Variants in RXYLT1 observed in about 807,000 individuals in gnomAD.
RXYLT1 encodes the protein ribitol xylosyltransferase 1.
A neutral mutation model predicts 43.5 loss-of-function variants in RXYLT1; 41 were observed. The observed-to-expected ratio is 0.94, with a 90% CI of 0.73 to 1.22. RXYLT1 has a LOEUF of 1.22. Ranked by LOEUF, RXYLT1 falls within the 50% of genes most tolerant of loss-of-function variation. The probability of loss-of-function intolerance (pLI) is 0.00; values close to 1 mark genes in which losing one functional copy is unlikely to be tolerated. For synonymous variants in RXYLT1, 166 were observed against 194.4 expected (o/e 0.85, Z 1.21); for missense variants, 514 against 532.0 (o/e 0.97, Z 0.33).
In RXYLT1 at chr12:63,809,097, C is replaced by T. The variant is rs932706141; in HGVS notation, c.*5C>T. 1 of 1,483,772 alleles carries T rather than the reference C, an allele frequency of 6.7e-7. No individual in the cohort carries two copies. Among genetic ancestry groups the T allele is most frequent in the Non-Finnish European group, 9.1e-7 (1 of 1,100,364 alleles). 91.9% of individuals were successfully genotyped at this position (1,483,772 alleles called of 1,614,324 possible). On this transcript the variant is annotated 3_prime_UTR_variant, in exon 6 of 6. Transcript: ENST00000261234. ...TTAATGAATAATAAAAGTTAATTAT[C>T]TTTTTGAGCTAACATGTGATTTTTA...
chr12:63,799,302 C>CTTTTTTTTTTTTTTTTTTTTTTTT (rs11312130), intron 3 of RXYLT1, among the ~76,000 whole-genome samples: 4 of 71,630 alleles, frequency 5.6e-5, no homozygotes, highest in Non-Finnish European at 7.7e-5. Context: ...CTTTTCTTTT[C>CTTTTTTTTTTTTTTTTTTTTTTTT]TTTTTTTTTT....
intron 3 of RXYLT1, 21 bp downstream of exon 3, chr12:63,785,093 G>A: frequency 6.4e-7 from 1 of 1,564,806 alleles, no homozygotes; most frequent in Non-Finnish European, 8.7e-7. Flanking sequence ...TATTAGTTGT[G>A]CAACATTAAC....
At chr12:63,786,455 T>C (rs1897802211) in intron 3 of RXYLT1, among the ~76,000 whole-genome samples, 1 of 152,024 alleles carries the variant, frequency 6.6e-6, no homozygotes, top group African/African-American at 2.4e-5. Flanking sequence ...CCAGTACATA[T>C]GAAAGTTATG....
In RXYLT1 at chr12:63,808,970, T is replaced by G. The variant is rs1898384086; in HGVS notation, c.1210T>G (p.Leu404Val). 3.1e-6 allele frequency: 5 copies of G among 1,612,894 alleles called. No homozygotes were observed. In the South Asian group the frequency reaches 3.3e-5, roughly 11 times the overall value. The change falls in exon 6 of 6, where the codon TTA becomes GTA. Residue 404 changes from leucine to valine, a missense_variant. Leu to Val is a conservative substitution (Grantham distance 32). Coordinates refer to ENST00000261234, the MANE Select transcript of RXYLT1 (RefSeq NM_014254.3). ...AVLEKEKTIILQEKIERRKML... is the reference protein window; with the variant it reads ...AVLEKEKTIIVQEKIERRKML... ...TTTAGAAAAAGAGAAAACTATAATT[T>G]TACAAGAAAAAATTGAAAGAAGAAA...
In RXYLT1 at chr12:63,805,334, A is replaced by G. The variant is rs1024537929; in HGVS notation, c.844A>G (p.Arg282Gly). Residue 282 changes from arginine to glycine, a missense_variant, in exon 5 of 6, where the codon AGA becomes GGA. Transcript: ENST00000261234. ...AGGAACGATTTATGAAAATTCATCCAGACAGGCACTAATGAACATTTTGAA... is the reference window on the plus strand; with the variant it reads ...AGGAACGATTTATGAAAATTCATCCGGACAGGCACTAATGAACATTTTGAA... ...FLGTIYENSSRQALMNILKKD... is the reference protein window; with the variant it reads ...FLGTIYENSSGQALMNILKKD... 1 of 1,613,370 alleles carries G rather than the reference A, an allele frequency of 6.2e-7. No individual in the cohort carries two copies. Among genetic ancestry groups the G allele is most frequent in the Non-Finnish European group, 8.5e-7 (1 of 1,179,732 alleles).
chr12:63,798,721 G>A (rs962978061), intron 3 of RXYLT1, among the ~76,000 whole-genome samples: 22 of 152,196 alleles, frequency 1.4e-4, no homozygotes, highest in African/African-American at 3.9e-4. Context: ...CATGGTTGCC[G>A]TGATAAAATG....
chr12:63,801,795 C>G (rs951569086), intron 3 of RXYLT1, among the ~76,000 whole-genome samples: 7 of 151,916 alleles, frequency 4.6e-5, no homozygotes, highest in African/African-American at 1.7e-4. Flanking sequence ...GCACTCCAGC[C>G]TGGGCCACAA....
intron 3 of RXYLT1, among the ~76,000 whole-genome samples, chr12:63,788,931 A>G (rs1897863025): frequency 6.6e-6 from 1 of 152,162 alleles, no homozygotes; most frequent in Non-Finnish European, 1.5e-5. Context: ...AAGCTTCTCC[A>G]ACCCACCTTA....
rs543747885 is a variant in RXYLT1, at chr12:63,793,533, A to C, written c.428+8461A>C. Among the ~76,000 whole-genome samples, 3 of 152,300 alleles carry C rather than the reference A, an allele frequency of 2.0e-5. No individual in the cohort carries two copies. In the South Asian group the frequency reaches 6.2e-4, roughly 32 times the overall value. The stretch of plus-strand genomic sequence containing the variant: ...CATGAAATTATAATAGAAGCAAATA[A>C]AAAAGAAAACTTTTTCTCCCCTAAA... On this transcript the variant is annotated intron_variant, in intron 3 of 5. Coordinates refer to ENST00000261234, the MANE Select transcript of RXYLT1 (RefSeq NM_014254.3).
chr12:63,780,188 G>C, intron 1 of RXYLT1, 59 bp downstream of exon 1: 1 of 1,399,504 alleles, frequency 7.1e-7, no homozygotes. Context: ...GCTGCTGGGC[G>C]GCTGGGGCCG....
At chr12:63,801,763 A>G (rs1322372983) in intron 3 of RXYLT1, among the ~76,000 whole-genome samples, 4 of 152,044 alleles carry the variant, frequency 2.6e-5, no homozygotes, top group African/African-American at 4.8e-5. Flanking sequence ...TTGAGGCTGC[A>G]GTGAGCCAAG....
At chr12:63,787,651 A>G (rs2136223455) in intron 3 of RXYLT1, among the ~76,000 whole-genome samples, 1 of 151,956 alleles carries the variant, frequency 6.6e-6, no homozygotes, top group East Asian at 1.9e-4. Flanking sequence ...TTTTTGAGAC[A>G]GAGTCTTGTT....
At chr12:63,780,819 A>G (rs1897664285) in intron 1 of RXYLT1, among the ~76,000 whole-genome samples, 200 bp from the exon 2 acceptor site, 1 of 152,252 alleles carries the variant, frequency 6.6e-6, no homozygotes. Context: ...AAGACTTTTC[A>G]GAGTAAAAAA....
At chr12:63,785,947 T>C (rs538490499) in intron 3 of RXYLT1, among the ~76,000 whole-genome samples, 18 of 152,248 alleles carry the variant, frequency 1.2e-4, no homozygotes, top group African/African-American at 4.8e-5. Flanking sequence ...AGCAGTTTTA[T>C]TGCATGTATC....
intron 3 of RXYLT1, among the ~76,000 whole-genome samples, chr12:63,791,180 C>T (rs1470735437): frequency 6.6e-6 from 1 of 152,170 alleles, no homozygotes; most frequent in African/African-American, 2.4e-5. Context: ...TCATAGCCAT[C>T]ATATGTTGAT....
chr12:63,796,402 G>A (rs1001541328), intron 3 of RXYLT1, among the ~76,000 whole-genome samples: 3 of 152,132 alleles, frequency 2.0e-5, no homozygotes, highest in African/African-American at 4.8e-5. Flanking sequence ...TTTTTCCATT[G>A]TGATATTTAC....
chr12:63,805,592 A>G (rs1261797629), intron 5 of RXYLT1, 188 bp downstream of exon 5: 3 of 483,216 alleles, frequency 6.2e-6, no homozygotes, highest in African/African-American at 2.0e-5. Context: ...AGAACCGCCT[A>G]TGACTGTAGT....
At chr12:63,791,878 C>A (rs1897925775) in intron 3 of RXYLT1, among the ~76,000 whole-genome samples, 1 of 152,140 alleles carries the variant, frequency 6.6e-6, no homozygotes, top group Non-Finnish European at 1.5e-5. Context: ...AATAACTTCC[C>A]CACAACTGCA....
chr12:63,807,056 T>C (rs930171231), intron 5 of RXYLT1: 1 of 152,366 alleles, frequency 6.6e-6, no homozygotes, highest in East Asian at 1.9e-4. Flanking sequence ...CTTCTGAACA[T>C]GATCTCAAGT....
Sources: gnomAD v4.1 joint callset for allele counts (sites outside exome capture counted in the v4.1 genomes callset) on GRCh38, gnomAD v4.1.1 for gene constraint, MANE v1.5 for transcripts, NCBI Gene and HGNC (gene_info 2026-07-23, HGNC 2026-07-21) for gene names.